The following DDX27 variants were observed in gnomAD, a reference collection of about 807,000 sequenced individuals.
DDX27 encodes probable ATP-dependent RNA helicase DDX27.
DDX27 carries 42 observed loss-of-function variants against 99.3 expected under a neutral mutation model. The observed-to-expected ratio is 0.42, with a 90% CI of 0.33 to 0.55. DDX27 has a LOEUF of 0.55. Among genes scored for constraint, DDX27 ranks in the 20% least tolerant of loss-of-function variants. The pLI, the probability that DDX27 is intolerant of heterozygous loss-of-function variation, is 0.07. For missense variants in DDX27, 798 were observed against 976.8 expected, an observed-to-expected ratio of 0.82 and a Z score of 2.44; for synonymous variants, 329 against 353.8, an observed-to-expected ratio of 0.93 and a Z score of 0.79.
rs576002854 is a variant in DDX27, at chr20:49,241,179, T to C, written c.1898-714T>C. 7.2e-5 allele frequency among the ~76,000 whole-genome samples: 11 copies of C among 152,330 alleles called. No homozygotes were observed. The East Asian group carries it at 2.1e-3, about 29-fold the overall frequency. On this transcript the variant is annotated intron_variant, in intron 16 of 20. Transcript: ENST00000618172. ...AGTGGAATAGTGGGTCAGAGGATAT[T>C]TGTATTTCTAGTTTTGTTAGAGGTT...
At chr20:49,227,486 C>T (rs1178686448) in intron 7 of DDX27, among the ~76,000 whole-genome samples, 1 of 152,034 alleles carries the variant, frequency 6.6e-6, no homozygotes, top group Non-Finnish European at 1.5e-5. Context: ...CCTGCCTCAG[C>T]CTCCCCAGTA....
intron 12 of DDX27, chr20:49,235,655 T>G (rs987265178): frequency 6.4e-6 from 1 of 155,788 alleles, no homozygotes; most frequent in African/African-American, 2.4e-5. Context: ...CCTATGCTGT[T>G]AGCAGATACA....
chr20:49,241,657 C>T (rs954681103), intron 16 of DDX27, among the ~76,000 whole-genome samples: 1 of 151,668 alleles, frequency 6.6e-6, no homozygotes, highest in African/African-American at 2.4e-5. Context: ...TTTTAGTAGT[C>T]GGGGTTTCAC....
chr20:49,222,500 G>A (rs1470542777), intron 2 of DDX27, among the ~76,000 whole-genome samples: 1 of 151,710 alleles, frequency 6.6e-6, no homozygotes, highest in African/African-American at 2.4e-5. Context: ...TTTCAAGATC[G>A]TCTGGAGAGG....
At chr20:49,225,789 C>A (rs1285292415) in intron 6 of DDX27, among the ~76,000 whole-genome samples, 2 of 151,986 alleles carry the variant, frequency 1.3e-5, no homozygotes, top group Non-Finnish European at 2.9e-5. Flanking sequence ...CCATCGTGTC[C>A]CTCCTCTTCT....
chr20:49,223,045 G>A (rs1168383141), intron 3 of DDX27, 29 bp downstream of exon 3: 12 of 1,597,834 alleles, frequency 7.5e-6, no homozygotes, highest in South Asian at 4.4e-5. Context: ...ATTTTTCGTT[G>A]TTAGGGCCCA....
Position 49,243,665 on chromosome 20 carries a change from C to T in DDX27, c.2241C>T (p.Pro747=). 1 of 1,614,158 alleles carries T rather than the reference C, an allele frequency of 6.2e-7. No homozygotes were observed. The highest frequency in any genetic ancestry group is 1.1e-5 in the South Asian group (1 of 91,090). ...AAGAAAGGAAACAGTTGGGCTTGCC[C>T]CACCAGAGACGAGGAGGAAACTTTA... ...SFEERKQLGL[P]HQRRGGNFKS... Residue 747 remains proline, a synonymous_variant, in exon 20 of 21, where the codon CCC becomes CCT. Coordinates refer to ENST00000618172, the MANE Select transcript of DDX27 (RefSeq NM_017895.8).
rs144837519 is a variant in DDX27 at position 49,221,578 on chromosome 20, A to G, written c.220A>G (p.Met74Val). ...TGGCAGCTGGGCCCTGGCTGATGTC[A>G]TGAGCCAACTCAAGAAGAAGGTGAG... ...YDGSWALADVMSQLKKKRAAT... is the reference protein window; with the variant it reads ...YDGSWALADVVSQLKKKRAAT... The change falls in exon 2 of 21, where the codon ATG (methionine) becomes GTG (valine). Residue 74 changes from methionine (M) to valine (V), a missense_variant. Transcript: ENST00000618172. 5.6e-6 allele frequency: 9 copies of G among 1,606,560 alleles called. No homozygotes were observed. The African/African-American group carries it at 1.1e-4, about 19-fold the overall frequency.
chr20:49,238,914 T>G, intron 14 of DDX27, 35 bp from the exon 15 acceptor site: 1 of 1,542,176 alleles, frequency 6.5e-7, no homozygotes, highest in Non-Finnish European at 9.0e-7. Flanking sequence ...TGGCCTACCC[T>G]TATTTGTAAA....
chr20:49,223,202 A>G lies in DDX27; in HGVS notation c.301-66A>G, dbSNP rs951098838. On this transcript the variant is annotated intron_variant, in intron 3 of 20. Coordinates refer to ENST00000618172, the MANE Select transcript of DDX27 (RefSeq NM_017895.8). The stretch of plus-strand genomic sequence containing the variant: ...GTTCATTCAGGCCGGAGAGCTTCCT[A>G]TCGCTCTACTTAGGTTCTGGATTTC... The G allele has an allele frequency of 6.6e-6, 10 of 1,519,954 alleles. No individual in the cohort carries two copies. In the African/African-American group the frequency reaches 1.1e-4, roughly 17 times the overall value. The allele number at this position is 1,519,954 out of a possible 1,614,324, so 94.2% of individuals were successfully genotyped here. A position where few individuals can be genotyped will look rare whatever the true frequency, so the allele number is the denominator to read the frequency against.
rs371591388 is a variant in DDX27, at chr20:49,241,495, C to A, written c.1898-398C>A. ...TTTCTTTTCTTTTTTTTTTTTGAGG[C>A]AGGGTCTCGCTCTGTCGCCCAGGCT... On this transcript the variant is annotated intron_variant, in intron 16 of 20. Coordinates refer to ENST00000618172, the MANE Select transcript of DDX27 (RefSeq NM_017895.8). Among the ~76,000 whole-genome samples the A allele has an allele frequency of 1.7e-4, 26 of 149,062 alleles. No homozygotes were observed. The South Asian group carries it at 4.5e-3, about 26-fold the overall frequency.
chr20:49,243,795 T>A (rs1348762084), intron 20 of DDX27, 21 bp from the exon 21 acceptor site: 1 of 1,614,224 alleles, frequency 6.2e-7, no homozygotes, highest in Non-Finnish European at 8.5e-7. Context: ...CATTCTGGTC[T>A]TAACTCTGAT....
At chr20:49,240,311 C>G (rs924085471) in intron 16 of DDX27, among the ~76,000 whole-genome samples, 6 of 152,178 alleles carry the variant, frequency 3.9e-5, no homozygotes, top group African/African-American at 1.4e-4. Flanking sequence ...GATTTCCTCT[C>G]CATCTCCCTT....
intron 7 of DDX27, among the ~76,000 whole-genome samples, chr20:49,227,351 T>C (rs1349389766): frequency 2.0e-5 from 3 of 152,076 alleles, no homozygotes; most frequent in African/African-American, 7.2e-5. Flanking sequence ...CTGCAGAGCT[T>C]ACTCAGTTTA....
intron 11 of DDX27, 116 bp downstream of exon 11, chr20:49,233,825 G>A (rs1470723408): frequency 1.8e-5 from 21 of 1,195,726 alleles, no homozygotes; most frequent in Admixed American, 2.0e-5. Context: ...CTTCCCCAGC[G>A]CAGAGGCTGC....
At chr20:49,233,962 C>T in intron 11 of DDX27, 1 of 469,616 alleles carries the variant, frequency 2.1e-6, no homozygotes, top group Non-Finnish European at 3.9e-6. Flanking sequence ...GCTGTTGTAC[C>T]CGTCAGTCCA....
At chr20:49,240,617 T>G (rs1031262646) in intron 16 of DDX27, among the ~76,000 whole-genome samples, 3 of 152,134 alleles carry the variant, frequency 2.0e-5, no homozygotes, top group Non-Finnish European at 4.4e-5. Context: ...TTAGTAGAGA[T>G]GGGATTTCAC....
Position 49,243,827 on chromosome 20 carries a change from G to C in DDX27, c.2291G>C (p.Arg764Thr). Residue 764 changes from arginine (R) to threonine (T), a missense_variant, in exon 21 of 21, where the codon AGG becomes ACG. By Grantham distance (71) the Arg-to-Thr change is moderately conservative (BLOSUM62 -1). Coordinates refer to ENST00000618172, the MANE Select transcript of DDX27 (RefSeq NM_017895.8). The part of the protein sequence containing the change: ...NFKSKSRYKR[R>T]K ...TGATTTTCTTACAGATACAAGAGGAGGAAGTAGCTGTCGTGGCCTGAAGAA... is the reference window on the plus strand; with the variant it reads ...TGATTTTCTTACAGATACAAGAGGACGAAGTAGCTGTCGTGGCCTGAAGAA... 13 of 1,614,154 alleles carry C rather than the reference G, an allele frequency of 8.1e-6. No homozygotes were observed. Among genetic ancestry groups the C allele is most frequent in the Non-Finnish European group, 1.1e-5 (13 of 1,180,038 alleles).
chr20:49,223,119 G>A (rs1979751017), intron 3 of DDX27, 103 bp downstream of exon 3: 1 of 1,363,368 alleles, frequency 7.3e-7, no homozygotes, highest in African/African-American at 1.5e-5. Context: ...GGCATGGCTG[G>A]GGCAGGCGCA....
Sources: gnomAD v4.1 joint callset for allele counts (sites outside exome capture counted in the v4.1 genomes callset) on GRCh38, gnomAD v4.1.1 for gene constraint, MANE v1.5 for transcripts, NCBI Gene and HGNC (gene_info 2026-07-23, HGNC 2026-07-21) for gene names.